AKT2: variants seen among roughly 807,000 people sequenced by gnomAD.
The protein encoded by AKT2 is RAC-beta serine/threonine-protein kinase.
In AKT2, 16 loss-of-function variants were observed where a neutral mutation model predicts 58.6. The observed-to-expected ratio is 0.27, with a 90% confidence interval of 0.18 to 0.41. The LOEUF is 0.41. AKT2 is among the 10% of genes least tolerant of loss of function. The pLI is 1.00. For synonymous variants in AKT2, 253 were observed against 254.0 expected (o/e 1.00, Z 0.04); for missense variants, 438 against 661.0 (o/e 0.66, Z 3.70).
At chr19:40,281,402 G>A (rs551554029) in intron 1 of AKT2, among the ~76,000 whole-genome samples, 5 of 152,290 alleles carry the variant, frequency 3.3e-5, no homozygotes, top group African/African-American at 9.6e-5. Flanking sequence ...TGAGGTGGAA[G>A]GATCACTAAA....
intron 1 of AKT2, among the ~76,000 whole-genome samples, chr19:40,278,706 T>C (rs2077370044): frequency 6.6e-6 from 1 of 151,710 alleles, no homozygotes; most frequent in Admixed American, 6.6e-5. Flanking sequence ...TGTCTGGCAA[T>C]CACCAGGAGT....
chr19:40,247,005 T>C lies in AKT2; in HGVS notation c.288-4318A>G, dbSNP rs200192195. On this transcript the variant is annotated intron_variant, in intron 4 of 13. Transcript: ENST00000392038. ...CTACCCCACCTACCCTGGCTCCCAC[T>C]GCCCACCCTACAGAAAGCTCCAGAA... Among the ~76,000 whole-genome samples, 61 of 152,328 alleles carry C rather than the reference T, an allele frequency of 4.0e-4. 2 individuals are homozygous for C. The East Asian group carries it at 0.011, about 26-fold the overall frequency.
chr19:40,242,394 G>T lies in AKT2; in HGVS notation c.441+140C>A. 1 of 1,368,866 alleles carries T rather than the reference G, an allele frequency of 7.3e-7. No homozygotes were observed. The highest frequency in any genetic ancestry group is 1.0e-6 in the Non-Finnish European group (1 of 973,842). 84.8% of individuals were successfully genotyped at this position (1,368,866 alleles called of 1,614,324 possible). A position where few individuals can be genotyped will look rare whatever the true frequency, so the allele number is the denominator to read the frequency against. On this transcript the variant is annotated intron_variant, in intron 5 of 13. Coordinates refer to ENST00000392038, the MANE Select transcript of AKT2 (RefSeq NM_001626.6). This position sits in a 1 kb window ranked among gnomAD's most constrained non-coding sequence, Gnocchi z 4.3. ...GCACACCCTAGGGCACCTGCCACCT[G>T]AAATCACCCCACCCTGCAGGGCAGC...
chr19:40,238,215 A>G lies in AKT2; in HGVS notation c.709-124T>C. On this transcript the variant is annotated intron_variant, in intron 8 of 13. Coordinates refer to ENST00000392038, the MANE Select transcript of AKT2 (RefSeq NM_001626.6). This position sits in a 1 kb window ranked among gnomAD's most constrained non-coding sequence, Gnocchi z 5.1. ...CCTGTATCATGAACCAGCAAGTGACAGCTAGAGGGACCAATCAAGGCAGAG... is the reference window on the plus strand; with the variant it reads ...CCTGTATCATGAACCAGCAAGTGACGGCTAGAGGGACCAATCAAGGCAGAG... 7.7e-7 allele frequency: 1 copy of G among 1,300,824 alleles called. No individual in the cohort carries two copies. Among genetic ancestry groups the G allele is most frequent in the Non-Finnish European group, 1.1e-6 (1 of 939,534 alleles). The allele number at this position is 1,300,824 out of a possible 1,614,324, so 80.6% of individuals were successfully genotyped here. A position where few individuals can be genotyped will look rare whatever the true frequency, so the allele number is the denominator to read the frequency against.
chr19:40,237,808 C>G lies in AKT2; in HGVS notation c.831+161G>C. ...CTGGTGAATGAGGGCAGCCACCACC[C>G]TGGACCTTGGTGGGGAGCCTGGCGA... is the stretch of plus-strand genomic sequence containing the variant. On this transcript the variant is annotated intron_variant, in intron 9 of 13. Coordinates refer to ENST00000392038, the MANE Select transcript of AKT2 (RefSeq NM_001626.6). The surrounding 1 kb of genome is among the most constrained non-coding windows in gnomAD (Gnocchi z 4.5). 6.6e-6 allele frequency: 7 copies of G among 1,067,570 alleles called. 1 individual carries two copies. The Admixed American group carries it at 1.5e-4, about 22-fold the overall frequency. The allele number at this position is 1,067,570 out of a possible 1,614,324, so 66.1% of individuals were successfully genotyped here. A position where few individuals can be genotyped will look rare whatever the true frequency, so the allele number is the denominator to read the frequency against.
chr19:40,268,076 A>G (rs1182914239), intron 1 of AKT2, among the ~76,000 whole-genome samples: 2 of 152,104 alleles, frequency 1.3e-5, no homozygotes, highest in African/African-American at 4.8e-5. Context: ...CTTCTGGGCT[A>G]TGGCTGGGAC....
chr19:40,276,655 T>G (rs2077331796), intron 1 of AKT2, among the ~76,000 whole-genome samples: 1 of 151,222 alleles, frequency 6.6e-6, no homozygotes, highest in Non-Finnish European at 1.5e-5. Flanking sequence ...TGAACCACCG[T>G]GCCCAGCCTG....
intron 4 of AKT2, among the ~76,000 whole-genome samples, chr19:40,247,102 T>C (rs1974807165): frequency 6.6e-6 from 1 of 152,192 alleles, no homozygotes; most frequent in East Asian, 1.9e-4. Flanking sequence ...TCCGATCCAA[T>C]TCTAACTGGA....
chr19:40,265,079 G>A (rs1976246958), intron 2 of AKT2, 143 bp downstream of exon 2: 2 of 1,237,400 alleles, frequency 1.6e-6, no homozygotes, highest in South Asian at 2.6e-5. Flanking sequence ...ACGAAATGGG[G>A]GCATAAGCAG....
chr19:40,277,191 A>G (rs1005980507), intron 1 of AKT2, among the ~76,000 whole-genome samples: 2 of 152,198 alleles, frequency 1.3e-5, no homozygotes, highest in Non-Finnish European at 2.9e-5. Flanking sequence ...AGCCTGTCAG[A>G]GCCATGCAGT....
chr19:40,274,943 A>G, intron 1 of AKT2: 1 of 398,758 alleles, frequency 2.5e-6, no homozygotes, highest in Non-Finnish European at 5.1e-6. Context: ...AGGGCAGGGC[A>G]GGAGTCCTTA....
At chr19:40,247,004 C>T (rs1974802883) in intron 4 of AKT2, among the ~76,000 whole-genome samples, 1 of 152,256 alleles carries the variant, frequency 6.6e-6, no homozygotes, top group East Asian at 1.9e-4. Context: ...CTGGCTCCCA[C>T]TGCCCACCCT....
At chr19:40,284,515 A>G (rs989081476) in intron 1 of AKT2, among the ~76,000 whole-genome samples, 6 of 152,144 alleles carry the variant, frequency 3.9e-5, no homozygotes, top group African/African-American at 1.4e-4. Flanking sequence ...AGATCAGTGT[A>G]AACCCCCAAC....
At position 40,233,178 on chromosome 19, in the gene AKT2, A is replaced by G. The variant is rs1973803982; in HGVS notation, c.*694T>C. 4.1e-6 allele frequency: 1 copy of G among 246,908 alleles called. No homozygotes were observed. Among genetic ancestry groups the G allele is most frequent in the African/African-American group, 2.2e-5 (1 of 45,630 alleles). 15.3% of individuals were successfully genotyped at this position (246,908 alleles called of 1,614,324 possible). On this transcript the variant is annotated 3_prime_UTR_variant, in exon 14 of 14. Transcript: ENST00000392038. This position sits in a 1 kb window ranked among gnomAD's most constrained non-coding sequence, Gnocchi z 4.3. ...CCCAAATGTTCCTCCTGCCTCATCC[A>G]TAGGGTGAGGACAGTTTGGTGGGGA...
At chr19:40,244,807 C>T (rs1974646208) in intron 4 of AKT2, among the ~76,000 whole-genome samples, 1 of 152,214 alleles carries the variant, frequency 6.6e-6, no homozygotes, top group Non-Finnish European at 1.5e-5. Flanking sequence ...GACACTGGGG[C>T]CCCTACCCAA....
chr19:40,233,418 G>A lies in AKT2; in HGVS notation c.*454C>T. Reference sequence around the variant, plus strand: ...ACCGCCCCGTGCCTGGCCACTCCGAGCCTAGGCCACGGGGCCTGGAAGGCA... The same window carrying A: ...ACCGCCCCGTGCCTGGCCACTCCGAACCTAGGCCACGGGGCCTGGAAGGCA... On this transcript the variant is annotated 3_prime_UTR_variant, in exon 14 of 14. Coordinates refer to ENST00000392038, the MANE Select transcript of AKT2 (RefSeq NM_001626.6). The surrounding 1 kb of genome is among the most constrained non-coding windows in gnomAD (Gnocchi z 4.3). 1 of 480,112 alleles carries A rather than the reference G, an allele frequency of 2.1e-6. No individual in the cohort carries two copies. The highest frequency in any genetic ancestry group is 1.9e-5 in the South Asian group (1 of 53,446). 29.7% of individuals were successfully genotyped at this position (480,112 alleles called of 1,614,324 possible).
rs553405639 is a variant in AKT2, at chr19:40,272,511, A to C, written c.-84-7160T>G. On this transcript the variant is annotated intron_variant, in intron 1 of 13. Transcript: ENST00000392038. ...GAAGGCTCGCGGCACGACAGAATGC[A>C]GGCGGGATGCCTTTTCTGAAACGCA... 9.1e-4 allele frequency among the ~76,000 whole-genome samples: 138 copies of C among 152,350 alleles called. 1 individual carries two copies. The highest frequency in any genetic ancestry group is 2.5e-4 in the Non-Finnish European group (17 of 68,034).
intron 1 of AKT2, among the ~76,000 whole-genome samples, chr19:40,271,246 T>C (rs1339551049): frequency 2.1e-5 from 3 of 146,338 alleles, no homozygotes; most frequent in African/African-American, 7.5e-5. Context: ...TATATGTATA[T>C]ATACACGTAT....
intron 1 of AKT2, among the ~76,000 whole-genome samples, chr19:40,271,021 G>GACAAACAAACAA (rs144804672): frequency 6.8e-6 from 1 of 147,930 alleles, no homozygotes; most frequent in Non-Finnish European, 1.5e-5. Context: ...TCAAAAAACA[G>GACAAACAAACAA]ACAAACAAAC....
Sources: gnomAD v4.1 joint callset for allele counts (sites outside exome capture counted in the v4.1 genomes callset) on GRCh38, gnomAD v4.1.1 for gene constraint, Gnocchi (gnomAD v3.1) non-coding constraint, MANE v1.5 for transcripts, NCBI Gene and HGNC (gene_info 2026-07-23, HGNC 2026-07-21) for gene names.